The following VPS50 variants were observed in gnomAD, a reference collection of about 807,000 sequenced individuals.
VPS50 encodes the protein syndetin.
VPS50 carries 70 observed loss-of-function variants against 139.7 expected under a neutral mutation model. The ratio of observed to expected loss-of-function variants is 0.50; its 90% CI spans 0.41 to 0.61. The LOEUF is 0.61. Ranked by LOEUF, VPS50 falls within the 20% of genes least tolerant of loss-of-function variation. The pLI, the probability that VPS50 is intolerant of heterozygous loss-of-function variation, is 0.00. For missense variants in VPS50, 921 were observed against 1,133.7 expected (o/e 0.81, Z 2.69); for synonymous variants, 365 against 376.7 (o/e 0.97, Z 0.36).
At chr7:93,338,096 A>C (rs568409476) in intron 22 of VPS50, among the ~76,000 whole-genome samples, 3 of 151,978 alleles carry the variant, frequency 2.0e-5, no homozygotes, top group Non-Finnish European at 4.4e-5. Context: ...ACTTGTTCTG[A>C]AATAGGTATT....
intron 22 of VPS50, among the ~76,000 whole-genome samples, chr7:93,339,330 T>TAAAA (rs772980449): frequency 7.3e-6 from 1 of 136,078 alleles, no homozygotes; most frequent in Non-Finnish European, 1.6e-5. Flanking sequence ...AGATAGGAAA[T>TAAAA]AAAAAAAAAA....
At position 93,347,521 on chromosome 7, in the gene VPS50, G is replaced by A. The variant is rs550585545; in HGVS notation, c.2208-1190G>A. On this transcript the variant is annotated intron_variant, in intron 23 of 27. Coordinates refer to ENST00000305866, the MANE Select transcript of VPS50 (RefSeq NM_017667.4). ...AAATCATGCTGCTATAAAGACACATGCACACGTATGTTTATTGTGGCACTA... is the reference window on the plus strand; with the variant it reads ...AAATCATGCTGCTATAAAGACACATACACACGTATGTTTATTGTGGCACTA... 9.8e-5 allele frequency among the ~76,000 whole-genome samples: 8 copies of A among 81,268 alleles called. 2 individuals carry two copies. The South Asian group carries it at 3.1e-3, about 31-fold the overall frequency. 53.3% of individuals were successfully genotyped at this position (81,268 alleles called of 152,430 possible). A position where few individuals can be genotyped will look rare whatever the true frequency, so the allele number is the denominator to read the frequency against.
intron 2 of VPS50, among the ~76,000 whole-genome samples, chr7:93,245,269 G>A (rs1795114729): frequency 6.6e-6 from 1 of 151,722 alleles, no homozygotes; most frequent in African/African-American, 2.4e-5. Flanking sequence ...GGAACATAAG[G>A]TATAGGAAAT....
intron 16 of VPS50, among the ~76,000 whole-genome samples, chr7:93,301,853 G>A (rs934214995): frequency 6.6e-6 from 1 of 152,132 alleles, no homozygotes; most frequent in African/African-American, 2.4e-5. Context: ...TTTTTCCAAA[G>A]TCATGATACA....
rs773665618 is a variant in VPS50, at chr7:93,356,059, A to G, written c.2754A>G (p.Glu918=). The G allele has an allele frequency of 6.6e-7, 1 of 1,513,874 alleles. No individual in the cohort carries two copies. The highest frequency in any genetic ancestry group is 1.3e-5 in the South Asian group (1 of 76,538). The allele number at this position is 1,513,874 out of a possible 1,614,324, so 93.8% of individuals were successfully genotyped here. ...ATTACCTAACTGAGAATGACATGGAACGGTGGATCAAAGAGCACAGGGTGA... is the reference window on the plus strand; with the variant it reads ...ATTACCTAACTGAGAATGACATGGAGCGGTGGATCAAAGAGCACAGGGTGA... ...KAYYLTENDM[E]RWIKEHREYS... is the part of the protein sequence containing the mutation. Residue 918 remains glutamate (E), a synonymous_variant, in exon 27 of 28, where the codon GAA becomes GAG. Coordinates refer to ENST00000305866, the MANE Select transcript of VPS50 (RefSeq NM_017667.4).
At chr7:93,352,859 T>C (rs900857502) in intron 25 of VPS50, among the ~76,000 whole-genome samples, 3 of 152,204 alleles carry the variant, frequency 2.0e-5, no homozygotes, top group African/African-American at 7.2e-5. Flanking sequence ...GTTTCCGTTG[T>C]ACTAAAAATT....
rs559776314 is a variant in VPS50, at chr7:93,294,818, A to G, written c.1167+182A>G. Among the ~76,000 whole-genome samples the G allele has an allele frequency of 5.3e-5, 8 of 152,300 alleles. No homozygotes were observed. The East Asian group carries it at 9.6e-4, about 18-fold the overall frequency. ...TATTTGGACTATAAGTGGCAGGAAAAAAGTTTTTTAATTTGAAAATCTCCA... is the reference window on the plus strand; with the variant it reads ...TATTTGGACTATAAGTGGCAGGAAAGAAGTTTTTTAATTTGAAAATCTCCA... On this transcript the variant is annotated intron_variant, in intron 14 of 27. Coordinates refer to ENST00000305866, the MANE Select transcript of VPS50 (RefSeq NM_017667.4).
chr7:93,347,828 G>A, intron 23 of VPS50, among the ~76,000 whole-genome samples: 1 of 118,098 alleles, frequency 8.5e-6, no homozygotes, highest in East Asian at 3.1e-4. Flanking sequence ...GACTGTTGTG[G>A]GGTGGGGGGA....
intron 14 of VPS50, among the ~76,000 whole-genome samples, chr7:93,294,940 G>C (rs957448040): frequency 6.6e-6 from 1 of 151,906 alleles, no homozygotes; most frequent in Non-Finnish European, 1.5e-5. Flanking sequence ...TCAGTGAGAT[G>C]TTCTGTTTAT....
At chr7:93,273,218 A>G (rs1237497719) in intron 11 of VPS50, 1 of 152,090 alleles carries the variant, frequency 6.6e-6, no homozygotes, top group Non-Finnish European at 1.5e-5. Flanking sequence ...TTTATCCCCA[A>G]AATGTCATAA....
At chr7:93,341,382 CT>C (rs768687501) in intron 22 of VPS50, 44 bp from the exon 23 acceptor site, 119 of 1,404,394 alleles carry the variant, frequency 8.5e-5, no homozygotes, top group Non-Finnish European at 1.1e-4. Flanking sequence ...TGGTTTATTA[CT>C]GTTAGATTTG....
intron 23 of VPS50, among the ~76,000 whole-genome samples, chr7:93,348,143 G>C (rs1332394275): frequency 6.6e-6 from 1 of 152,142 alleles, no homozygotes; most frequent in African/African-American, 2.4e-5. Context: ...AAAAGACAGT[G>C]CCTGGATGCA....
At chr7:93,324,726 C>A (rs2117024462) in intron 21 of VPS50, among the ~76,000 whole-genome samples, 1 of 152,142 alleles carries the variant, frequency 6.6e-6, no homozygotes, top group South Asian at 2.1e-4. Flanking sequence ...CCTAGGAATC[C>A]AACTTACAAG....
At chr7:93,355,789 G>A in intron 26 of VPS50, 102 bp from the exon 27 acceptor site, 1 of 580,482 alleles carries the variant, frequency 1.7e-6, no homozygotes. Context: ...TCATTTCTGG[G>A]GAATCTGTCC....
intron 1 of VPS50, among the ~76,000 whole-genome samples, chr7:93,236,969 T>TTTTC (rs1794824272): frequency 3.3e-5 from 4 of 122,822 alleles, no homozygotes; most frequent in South Asian, 2.7e-4. Flanking sequence ...TTTTTTTTTT[T>TTTTC]CGAGACAGTC....
At chr7:93,237,441 T>C (rs559924094) in intron 1 of VPS50, among the ~76,000 whole-genome samples, 1 of 152,210 alleles carries the variant, frequency 6.6e-6, no homozygotes, top group Non-Finnish European at 1.5e-5. Flanking sequence ...CAATTTGTAT[T>C]ACTTTTATTT....
At chr7:93,301,254 G>A (rs138078433) in intron 16 of VPS50, among the ~76,000 whole-genome samples, 69 of 150,284 alleles carry the variant, frequency 4.6e-4, no homozygotes, top group African/African-American at 1.5e-3. Context: ...CCAAGATCGC[G>A]CCACTGCACT....
intron 23 of VPS50, among the ~76,000 whole-genome samples, chr7:93,347,727 C>G (rs568726483): frequency 1.4e-5 from 2 of 145,942 alleles, no homozygotes; most frequent in Non-Finnish European, 1.5e-5. Flanking sequence ...ATCGCAAGAA[C>G]AAAAAACCAA....
rs765219386 is a variant in VPS50, at chr7:93,271,198, CTG to C, written c.660-20_660-19del. Reference sequence around the variant, plus strand: ...AGTTTGTCTCAGAAATAGAAAAAAACTGTTTTTTTTTTTTTTAATAGTGAACT... The same window carrying C: ...AGTTTGTCTCAGAAATAGAAAAAAACTTTTTTTTTTTTTTAATAGTGAACT... On this transcript the variant is annotated intron_variant, in intron 9 of 27. Coordinates refer to ENST00000305866, the MANE Select transcript of VPS50 (RefSeq NM_017667.4). 88 of 1,519,140 alleles carry C rather than the reference CTG, an allele frequency of 5.8e-5. No homozygotes were observed. The highest frequency in any genetic ancestry group is 1.6e-4 in the African/African-American group (11 of 67,576). The allele number at this position is 1,519,140 out of a possible 1,614,324, so 94.1% of individuals were successfully genotyped here.
Sources: gnomAD v4.1 joint callset for allele counts (sites outside exome capture counted in the v4.1 genomes callset) on GRCh38, gnomAD v4.1.1 for gene constraint, MANE v1.5 for transcripts, NCBI Gene and HGNC (gene_info 2026-07-23, HGNC 2026-07-21) for gene names.